Variants in RALGPS1 observed in about 807,000 individuals in gnomAD.
The protein encoded by RALGPS1 is Ral GEF with PH domain and SH3 binding motif 1.
Under a neutral mutation model 78.8 loss-of-function variants are expected in RALGPS1, and 19 were observed. The observed-to-expected ratio is 0.24, with a 90% confidence interval of 0.17 to 0.35. The LOEUF (loss-of-function observed/expected upper bound fraction) is 0.35. Ranked by LOEUF, RALGPS1 falls within the 10% of genes least tolerant of loss-of-function variation. The pLI is 1.00. For missense variants in RALGPS1, 454 were observed against 688.3 expected (o/e 0.66, Z 3.81); for synonymous variants, 228 against 256.3 (o/e 0.89, Z 1.06).
Position 127,016,281 on chromosome 9 carries a change from G to C in RALGPS1, c.217-18150G>C, listed in dbSNP as rs1264694579. ...GAAAGAAAAGTGCTGCAATTGCCCA[G>C]TCTCCAGGGGCAGGTCTTACTTAAT... On this transcript the variant is annotated intron_variant, in intron 4 of 18. Transcript: ENST00000259351. Among the ~76,000 whole-genome samples the C allele has an allele frequency of 7.2e-5, 11 of 152,286 alleles. No individual in the cohort carries two copies. The East Asian group carries it at 2.1e-3, about 29-fold the overall frequency.
intron 8 of RALGPS1, among the ~76,000 whole-genome samples, chr9:127,142,563 A>ACTCC (rs2057851501): frequency 6.6e-6 from 1 of 151,730 alleles, no homozygotes; most frequent in South Asian, 2.1e-4. Context: ...CAGGTCCAGG[A>ACTCC]CTCCCTCCGC....
intron 4 of RALGPS1, among the ~76,000 whole-genome samples, chr9:126,981,472 T>A (rs577609544): frequency 9.8e-5 from 15 of 152,348 alleles, no homozygotes; most frequent in African/African-American, 3.4e-4. Flanking sequence ...CTTGCTTGGC[T>A]CCCTAGCCCT....
intron 4 of RALGPS1, among the ~76,000 whole-genome samples, chr9:127,028,482 A>C (rs1015251468): frequency 6.6e-6 from 1 of 152,230 alleles, no homozygotes; most frequent in African/African-American, 2.4e-5. Flanking sequence ...TCCTGGCACA[A>C]CGTAGGTGCT....
intron 5 of RALGPS1, among the ~76,000 whole-genome samples, chr9:127,040,136 C>T (rs949518426): frequency 3.9e-5 from 6 of 152,210 alleles, no homozygotes; most frequent in Non-Finnish European, 8.8e-5. Context: ...CATGGTGGCT[C>T]AAGCCTGGAA....
chr9:126,932,994 T>G (rs752133530), intron 1 of RALGPS1, among the ~76,000 whole-genome samples: 4 of 151,870 alleles, frequency 2.6e-5, no homozygotes, highest in Non-Finnish European at 4.4e-5. Flanking sequence ...TTGCTTTCCT[T>G]GTTGTAGGAT....
chr9:127,216,882 C>G (rs2062616115), intron 18 of RALGPS1: 4 of 1,523,422 alleles, frequency 2.6e-6, no homozygotes, highest in African/African-American at 1.4e-5. Context: ...GCATAGCACA[C>G]TGAAGCTCCC....
At chr9:127,016,405 A>G (rs1003592242) in intron 4 of RALGPS1, among the ~76,000 whole-genome samples, 3 of 152,156 alleles carry the variant, frequency 2.0e-5, no homozygotes, top group African/African-American at 4.8e-5. Context: ...GTGCTGCTAT[A>G]TTTTATAGAG....
chr9:127,174,286 A>G (rs915309044), intron 10 of RALGPS1, among the ~76,000 whole-genome samples: 12 of 124,306 alleles, frequency 9.7e-5, no homozygotes, highest in Admixed American at 5.0e-4. Context: ...AGAAAGAAAG[A>G]AAGAGAAAGA....
intron 1 of RALGPS1, among the ~76,000 whole-genome samples, chr9:126,956,549 A>G (rs1368706234): frequency 1.3e-5 from 2 of 152,014 alleles, no homozygotes; most frequent in Non-Finnish European, 2.9e-5. Flanking sequence ...AATGGGTAAC[A>G]CACTACGGCT....
At chr9:127,107,511 T>C (rs1185722210) in intron 8 of RALGPS1, among the ~76,000 whole-genome samples, 2 of 152,170 alleles carry the variant, frequency 1.3e-5, no homozygotes, top group African/African-American at 4.8e-5. Context: ...TGGCCCATTG[T>C]TTATTTGGTG....
chr9:127,001,594 G>A (rs984066107), intron 4 of RALGPS1, among the ~76,000 whole-genome samples: 1 of 151,800 alleles, frequency 6.6e-6, no homozygotes, highest in Non-Finnish European at 1.5e-5. Context: ...TTCTAAATAT[G>A]CAATAATCGG....
chr9:126,919,621 GAGGA>G (rs776392424), intron 1 of RALGPS1, among the ~76,000 whole-genome samples: 34 of 152,202 alleles, frequency 2.2e-4, no homozygotes, highest in Non-Finnish European at 4.3e-4. Flanking sequence ...TTTTTGTGCG[GAGGA>G]AGGGAGATCA....
chr9:126,928,190 GTAT>G (rs1234311251), intron 1 of RALGPS1, among the ~76,000 whole-genome samples: 2 of 152,178 alleles, frequency 1.3e-5, no homozygotes, highest in Non-Finnish European at 2.9e-5. Flanking sequence ...TGTGTTGTTA[GTAT>G]TATCCTCAAT....
intron 8 of RALGPS1, among the ~76,000 whole-genome samples, chr9:127,113,829 G>A (rs1021725551): frequency 5.3e-5 from 8 of 152,172 alleles, no homozygotes; most frequent in Admixed American, 1.3e-4. Flanking sequence ...GAATGTCCCC[G>A]CTTGGCCTGA....
intron 4 of RALGPS1, among the ~76,000 whole-genome samples, chr9:127,002,277 G>A (rs1486956492): frequency 6.6e-6 from 1 of 152,058 alleles, no homozygotes; most frequent in Non-Finnish European, 1.5e-5. Context: ...GATTTATCCT[G>A]TTTTTGTGTG....
intron 8 of RALGPS1, among the ~76,000 whole-genome samples, chr9:127,123,762 C>T (rs771990758): frequency 2.0e-5 from 3 of 152,138 alleles, no homozygotes; most frequent in Non-Finnish European, 2.9e-5. Flanking sequence ...TCAGCACTGG[C>T]AGCCTGGGAG....
chr9:127,078,877 T>A (rs1165895555), intron 8 of RALGPS1, among the ~76,000 whole-genome samples: 1 of 152,232 alleles, frequency 6.6e-6, no homozygotes, highest in African/African-American at 2.4e-5. Flanking sequence ...ATGTTTACTG[T>A]TTTACTATGT....
chr9:126,915,749 G>A (rs1380377196), intron 1 of RALGPS1, among the ~76,000 whole-genome samples: 1 of 149,132 alleles, frequency 6.7e-6, no homozygotes, highest in Non-Finnish European at 1.5e-5. Context: ...GGGCTTTCCT[G>A]TTGCTATTGA....
intron 8 of RALGPS1, among the ~76,000 whole-genome samples, chr9:127,097,378 G>A (rs558854850): frequency 1.3e-5 from 2 of 152,330 alleles, no homozygotes; most frequent in South Asian, 2.1e-4. Flanking sequence ...CAAAAAATGT[G>A]CATATGTGTC....
Sources: allele counts gnomAD v4.1 joint callset (sites outside exome capture counted in the v4.1 genomes callset), GRCh38; gene constraint gnomAD v4.1.1; transcripts MANE v1.5; gene names NCBI Gene and HGNC (gene_info 2026-07-23, HGNC 2026-07-21).